CEP63: variants seen among roughly 807,000 people sequenced by gnomAD.
CEP63 encodes centrosomal protein of 63 kDa.
In CEP63, 84 loss-of-function variants were observed where a neutral mutation model predicts 89.1. The ratio of observed to expected loss-of-function variants is 0.94; its 90% confidence interval spans 0.79 to 1.13. CEP63 has a LOEUF of 1.13. Among genes scored for constraint, CEP63 ranks in the 50% most tolerant of loss-of-function variants. The probability of loss-of-function intolerance (pLI) is 0.00; values close to 1 mark genes in which losing one functional copy is unlikely to be tolerated. For missense variants in CEP63, 838 were observed against 813.3 expected (o/e 1.03, Z -0.37); for synonymous variants, 267 against 272.5 (o/e 0.98, Z 0.20).
At chr3:134,603,915 G>C in the CEP63 span, 3 of 1,613,902 alleles carry the variant, frequency 1.9e-6, no homozygotes, top group South Asian at 1.1e-5. Flanking sequence ...AATTAAAGAC[G>C]AAGATGTAGT....
chr3:134,558,482 C>G (rs1332321068), intron 13 of CEP63, 135 bp downstream of exon 13: 2 of 704,266 alleles, frequency 2.8e-6, no homozygotes, highest in African/African-American at 1.8e-5. Flanking sequence ...GTATAGTGTG[C>G]ACAAGTAAAG....
the CEP63 span, among the ~76,000 whole-genome samples, chr3:134,593,429 C>A: frequency 8.5e-5 from 13 of 152,224 alleles, no homozygotes; most frequent in African/African-American, 3.1e-4. Flanking sequence ...GAAACAAAAA[C>A]AGGGAGGTTC....
At chr3:134,574,935 A>G (rs1458685276) in exon 12 of CEP63, 3 of 488,944 alleles carry the variant, frequency 6.1e-6, no homozygotes, top group Non-Finnish European at 1.1e-5. Context: ...TTTGTCAATG[A>G]AACAAGAATC....
the CEP63 span, chr3:134,629,452 A>G: frequency 1.7e-6 from 1 of 577,948 alleles, no homozygotes. Flanking sequence ...GGGTGTAGAG[A>G]AAAGAGTCTC....
chr3:134,719,410 C>G, the CEP63 span, among the ~76,000 whole-genome samples: 1 of 152,102 alleles, frequency 6.6e-6, no homozygotes. Context: ...GAAGCACTTT[C>G]CTAGGATATA....
chr3:134,506,361 A>G (rs558604353), intron 2 of CEP63, among the ~76,000 whole-genome samples: 94 of 152,280 alleles, frequency 6.2e-4, no homozygotes, highest in Middle Eastern at 3.4e-3. Context: ...TTGTATTATC[A>G]CTTTCCTGCA....
chr3:134,643,772 G>A, the CEP63 span, among the ~76,000 whole-genome samples: 1 of 151,614 alleles, frequency 6.6e-6, no homozygotes, highest in East Asian at 1.9e-4. Context: ...AGGCTGGGAG[G>A]TTCTGACCTG....
chr3:134,616,422 G>A, the CEP63 span, among the ~76,000 whole-genome samples: 1 of 152,192 alleles, frequency 6.6e-6, no homozygotes, highest in Non-Finnish European at 1.5e-5. Flanking sequence ...CGGATTATAT[G>A]TCCTCAGTTA....
the CEP63 span, among the ~76,000 whole-genome samples, chr3:134,650,022 C>T: frequency 5.3e-5 from 8 of 152,312 alleles, no homozygotes; most frequent in Admixed American, 4.6e-4. Context: ...CATCCAGGAC[C>T]CTGAGGTTCT....
chr3:134,697,431 G>A, the CEP63 span, among the ~76,000 whole-genome samples: 14 of 152,136 alleles, frequency 9.2e-5, no homozygotes, highest in Non-Finnish European at 1.6e-4. Context: ...TTTTGGGCAC[G>A]TGGCTTTCTG....
the CEP63 span, among the ~76,000 whole-genome samples, chr3:134,733,347 A>G: frequency 6.9e-6 from 1 of 145,192 alleles, no homozygotes; most frequent in Non-Finnish European, 1.5e-5. Flanking sequence ...GTATTAGTAA[A>G]ACTACTAGAC....
chr3:134,548,145 G>A (rs998319985), intron 9 of CEP63, among the ~76,000 whole-genome samples: 3 of 152,128 alleles, frequency 2.0e-5, no homozygotes, highest in Non-Finnish European at 4.4e-5. Flanking sequence ...CCATCTGGGG[G>A]AAAAACCATC....
chr3:134,753,038 G>A, the CEP63 span, among the ~76,000 whole-genome samples: 4 of 152,162 alleles, frequency 2.6e-5, no homozygotes, highest in African/African-American at 9.7e-5. Context: ...TGGGCACGAA[G>A]GTCATAGGCA....
chr3:134,686,991 C>T, the CEP63 span, among the ~76,000 whole-genome samples: 3 of 152,190 alleles, frequency 2.0e-5, no homozygotes, highest in African/African-American at 7.2e-5. Flanking sequence ...GAGCAAAATA[C>T]TGGGAGAGTA....
chr3:134,658,118 G>C, the CEP63 span, among the ~76,000 whole-genome samples: 1 of 152,042 alleles, frequency 6.6e-6, no homozygotes, highest in Non-Finnish European at 1.5e-5. Flanking sequence ...GGATAGTCTC[G>C]ATCTCCTGAC....
At chr3:134,529,386 GC>G (rs1204825437) in intron 3 of CEP63, among the ~76,000 whole-genome samples, 2 of 132,738 alleles carry the variant, frequency 1.5e-5, no homozygotes, top group Non-Finnish European at 3.1e-5. Flanking sequence ...TGTTGCCCAG[GC>G]TGGAGTGCAG....
At chr3:134,657,448 T>G in the CEP63 span, among the ~76,000 whole-genome samples, 1 of 152,358 alleles carries the variant, frequency 6.6e-6, no homozygotes, top group South Asian at 2.1e-4. Context: ...CCATATATAG[T>G]TTGGTATCAT....
chr3:134,664,429 A>C, the CEP63 span, among the ~76,000 whole-genome samples: 21 of 152,190 alleles, frequency 1.4e-4, no homozygotes, highest in African/African-American at 4.8e-4. Context: ...AAGCGCAGAC[A>C]TGCAGCCCTG....
rs946986660 is a variant in CEP63, at chr3:134,559,507, G to C, written c.1953+78G>C. ...ATTTTTTATTTTAAGGGTGAAGAAG[G>C]TGATTTTTTTTTCCTTACTGATTCT... is the stretch of plus-strand genomic sequence containing the variant. On this transcript the variant is annotated intron_variant, in intron 14 of 14. Coordinates refer to ENST00000675561, the MANE Select transcript of CEP63 (RefSeq NM_001353108.3). 26 of 1,287,246 alleles carry C rather than the reference G, an allele frequency of 2.0e-5. No individual in the cohort carries two copies. In the East Asian group the frequency reaches 6.2e-4, roughly 31 times the overall value. The allele number at this position is 1,287,246 out of a possible 1,614,324, so 79.7% of individuals were successfully genotyped here. A position where few individuals can be genotyped will look rare whatever the true frequency, so the allele number is the denominator to read the frequency against.
Sources: allele counts gnomAD v4.1 joint callset (sites outside exome capture counted in the v4.1 genomes callset), GRCh38; gene constraint gnomAD v4.1.1; transcripts MANE v1.5; gene names NCBI Gene and HGNC (gene_info 2026-07-23, HGNC 2026-07-21).